NUCB2: variants seen among roughly 807,000 people sequenced by gnomAD.
NUCB2 encodes nucleobindin-2.
NUCB2 carries 48 observed loss-of-function variants against 57.9 expected under a neutral mutation model. That is an observed-to-expected ratio of 0.83 (90% CI 0.66 to 1.05). The LOEUF (loss-of-function observed/expected upper bound fraction) is 1.05, where lower values mean the gene tolerates loss of function less well. Among genes scored for constraint, NUCB2 ranks in the 50% least tolerant of loss-of-function variants. NUCB2 has a pLI of 0.00. For synonymous variants in NUCB2, 139 were observed against 152.1 expected (o/e 0.91, Z 0.64); for missense variants, 442 against 476.2 (o/e 0.93, Z 0.67).
chr11:17,322,054 T>G (rs912643733), intron 11 of NUCB2, among the ~76,000 whole-genome samples: 1 of 152,184 alleles, frequency 6.6e-6, no homozygotes, highest in Admixed American at 6.5e-5. Flanking sequence ...ATCCCTTCAC[T>G]TTGTTGATTT....
intron 4 of NUCB2, among the ~76,000 whole-genome samples, chr11:17,301,483 T>G (rs1336913613): frequency 6.6e-6 from 1 of 151,484 alleles, no homozygotes; most frequent in Non-Finnish European, 1.5e-5. Flanking sequence ...TTTCGCCAGG[T>G]TGGCCAGGCT....
chr11:17,307,900 C>G (rs1209084109), intron 5 of NUCB2, among the ~76,000 whole-genome samples: 3 of 152,166 alleles, frequency 2.0e-5, no homozygotes, highest in Non-Finnish European at 4.4e-5. Flanking sequence ...TCCTCACAGG[C>G]TTACTAATGG....
At chr11:17,277,022 C>G (rs1402554382) in intron 1 of NUCB2, 194 bp downstream of exon 1, 2 of 152,460 alleles carry the variant, frequency 1.3e-5, no homozygotes, top group African/African-American at 4.8e-5. Context: ...CCCTCTGCTC[C>G]ACTCGCAGCT....
chr11:17,320,024 A>G (rs1368037670), intron 11 of NUCB2, among the ~76,000 whole-genome samples: 4 of 152,164 alleles, frequency 2.6e-5, no homozygotes, highest in South Asian at 4.1e-4. Context: ...TTTGCTAGAG[A>G]TACTGTCCTC....
intron 2 of NUCB2, among the ~76,000 whole-genome samples, chr11:17,294,176 T>C (rs980363339): frequency 1.3e-5 from 2 of 152,216 alleles, no homozygotes; most frequent in African/African-American, 4.8e-5. Flanking sequence ...GAAGACATTC[T>C]GTGAAGTATA....
chr11:17,322,135 T>G (rs1433959886), intron 11 of NUCB2, among the ~76,000 whole-genome samples: 1 of 152,186 alleles, frequency 6.6e-6, no homozygotes, highest in African/African-American at 2.4e-5. Flanking sequence ...TGGTTGTCTG[T>G]GCTTACGGAT....
intron 1 of NUCB2, among the ~76,000 whole-genome samples, chr11:17,278,055 G>A (rs1941697382): frequency 6.6e-6 from 1 of 151,580 alleles, no homozygotes; most frequent in Non-Finnish European, 1.5e-5. Flanking sequence ...TACCTTTGTA[G>A]TAGGGGGTCA....
Position 17,288,880 on chromosome 11 carries a change from TATACACACACACACACACACACAC to T in NUCB2, c.-1+5939_-1+5962del, listed in dbSNP as rs1484406870. 7.2e-3 allele frequency among the ~76,000 whole-genome samples: 484 copies of T among 67,530 alleles called. 31 individuals are homozygous for T. The highest frequency in any genetic ancestry group is 0.02 in the African/African-American group (355 of 17,730). 44.3% of individuals were successfully genotyped at this position (67,530 alleles called of 152,430 possible). ...CTTAAAGTCTATTTAATAACATGTA[TATACACACACACACACACACACAC>T]ACACACACACACACACACACACACA... On this transcript the variant is annotated intron_variant, in intron 2 of 13. Transcript: ENST00000529010.
At chr11:17,313,862 G>T (rs188942896) in intron 10 of NUCB2, among the ~76,000 whole-genome samples, 167 of 151,798 alleles carry the variant, frequency 1.1e-3, no homozygotes, top group Admixed American at 2.3e-3. Context: ...CTCCTTTCTC[G>T]CTTCGTTCTC....
intron 11 of NUCB2, among the ~76,000 whole-genome samples, chr11:17,316,794 TTTAAA>T (rs1240969018): frequency 6.6e-6 from 1 of 152,202 alleles, no homozygotes; most frequent in Non-Finnish European, 1.5e-5. Context: ...AATATTACTA[TTTAAA>T]TTAAAATTTT....
At chr11:17,289,926 G>A (rs1274977695) in intron 2 of NUCB2, among the ~76,000 whole-genome samples, 1 of 152,158 alleles carries the variant, frequency 6.6e-6, no homozygotes, top group East Asian at 1.9e-4. Context: ...GGAAGTTCCT[G>A]ACAAATTGAC....
rs548722366 is a variant in NUCB2 at position 17,302,541 on chromosome 11, G to C, written c.379+671G>C. 1.3e-3 allele frequency among the ~76,000 whole-genome samples: 201 copies of C among 152,038 alleles called. 1 individual carries two copies. Among genetic ancestry groups the C allele is most frequent in the African/African-American group, 4.7e-3 (194 of 41,496 alleles). On this transcript the variant is annotated intron_variant, in intron 5 of 13. Coordinates refer to ENST00000529010, the MANE Select transcript of NUCB2 (RefSeq NM_005013.4). Reference sequence around the variant, plus strand: ...GATCTAGCCCCAGAAAAAAACACAAGATCCAGACCATTTCTTTTCTTTCTT... The same window carrying C: ...GATCTAGCCCCAGAAAAAAACACAACATCCAGACCATTTCTTTTCTTTCTT...
At chr11:17,291,805 C>T (rs1299944933) in intron 2 of NUCB2, among the ~76,000 whole-genome samples, 2 of 151,966 alleles carry the variant, frequency 1.3e-5, no homozygotes, top group Non-Finnish European at 2.9e-5. Flanking sequence ...TGAAACTTTC[C>T]TGGCTTTACA....
chr11:17,299,061 A>C (rs1002233100), intron 4 of NUCB2, among the ~76,000 whole-genome samples: 2 of 152,152 alleles, frequency 1.3e-5, no homozygotes, highest in African/African-American at 4.8e-5. Flanking sequence ...TCACTTCCCA[A>C]ACATTCCCTA....
intron 11 of NUCB2, among the ~76,000 whole-genome samples, chr11:17,327,076 C>T (rs779013569): frequency 6.6e-6 from 1 of 152,078 alleles, no homozygotes; most frequent in South Asian, 2.1e-4. Flanking sequence ...AAATCTGCCA[C>T]CTGAGACAGA....
At position 17,320,631 on chromosome 11, in the gene NUCB2, T is replaced by G. The variant is rs574078018; in HGVS notation, c.1002+5156T>G. 1.7e-3 allele frequency among the ~76,000 whole-genome samples: 255 copies of G among 152,284 alleles called. No homozygotes were observed. The Middle Eastern group carries it at 0.024, about 14-fold the overall frequency. On this transcript the variant is annotated intron_variant, in intron 11 of 13. Transcript: ENST00000529010. ...GAGATTGCACCCCAGCACTCCAGCC[T>G]GGATGACAGAGCAAGACTCCGTCTC...
intron 2 of NUCB2, among the ~76,000 whole-genome samples, chr11:17,285,290 C>T (rs905527676): frequency 3.3e-5 from 5 of 149,962 alleles, no homozygotes; most frequent in Admixed American, 2.7e-4. Flanking sequence ...ATTAGCCGGG[C>T]GTGGCTGGGT....
At chr11:17,281,562 A>G (rs1367827552) in intron 1 of NUCB2, among the ~76,000 whole-genome samples, 1 of 152,152 alleles carries the variant, frequency 6.6e-6, no homozygotes, top group East Asian at 1.9e-4. Flanking sequence ...GTTACTTTGT[A>G]TTCATTCTTA....
At chr11:17,286,332 C>T (rs1943747785) in intron 2 of NUCB2, among the ~76,000 whole-genome samples, 1 of 152,164 alleles carries the variant, frequency 6.6e-6, no homozygotes, top group Admixed American at 6.5e-5. Context: ...CCTCCGTGCC[C>T]AGCAGAATAG....
Sources: allele counts gnomAD v4.1 joint callset (sites outside exome capture counted in the v4.1 genomes callset), GRCh38; gene constraint gnomAD v4.1.1; transcripts MANE v1.5; gene names NCBI Gene and HGNC (gene_info 2026-07-23, HGNC 2026-07-21).